Variants in KCNIP4 observed in about 807,000 individuals in gnomAD.
The protein encoded by KCNIP4 is Kv channel-interacting protein 4.
Under a neutral mutation model 34.0 loss-of-function variants are expected in KCNIP4, and 12 were observed. That is an observed-to-expected ratio of 0.35 (90% CI 0.23 to 0.57). KCNIP4 has a LOEUF of 0.57. Ranked by LOEUF, KCNIP4 falls within the 20% of genes least tolerant of loss-of-function variation. KCNIP4 has a pLI of 0.83. For missense variants in KCNIP4, 238 were observed against 311.7 expected (o/e 0.76, Z 1.78); for synonymous variants, 124 against 102.2 (o/e 1.21, Z -1.29).
At chr4:20,997,186 G>C (rs547160067) in intron 1 of KCNIP4, among the ~76,000 whole-genome samples, 44 of 152,238 alleles carry the variant, frequency 2.9e-4, no homozygotes, top group Middle Eastern at 6.8e-3. Context: ...CGTTTCATCT[G>C]GTAATAGCGC....
At chr4:21,037,123 T>C (rs1340304224) in intron 1 of KCNIP4, among the ~76,000 whole-genome samples, 1 of 152,234 alleles carries the variant, frequency 6.6e-6, no homozygotes, top group Non-Finnish European at 1.5e-5. Flanking sequence ...GTGGTTATTA[T>C]GAAAGAGTCA....
intron 1 of KCNIP4, among the ~76,000 whole-genome samples, chr4:21,660,141 T>C (rs1347619434): frequency 6.6e-6 from 1 of 152,144 alleles, no homozygotes; most frequent in East Asian, 1.9e-4. Flanking sequence ...CACCAGGAAA[T>C]ATCTTCCCTA....
At chr4:21,055,099 G>A (rs61458170) in intron 1 of KCNIP4, among the ~76,000 whole-genome samples, 3,356 of 152,114 alleles carry the variant, frequency 0.022, 134 homozygotes, top group African/African-American at 0.076. Context: ...TAAAAAACAT[G>A]TTAAAGACCA....
intron 1 of KCNIP4, among the ~76,000 whole-genome samples, chr4:21,273,324 A>G (rs945632028): frequency 6.6e-6 from 1 of 152,170 alleles, no homozygotes; most frequent in African/African-American, 2.4e-5. Flanking sequence ...TCTAATGGAC[A>G]GTATGTTCGG....
intron 1 of KCNIP4, among the ~76,000 whole-genome samples, chr4:21,058,020 G>A (rs757055532): frequency 1.3e-5 from 2 of 151,986 alleles, no homozygotes; most frequent in Non-Finnish European, 2.9e-5. Context: ...ATTGGACAAA[G>A]AATGAAAAAA....
At chr4:21,130,017 T>C (rs1016544880) in intron 1 of KCNIP4, among the ~76,000 whole-genome samples, 6 of 152,270 alleles carry the variant, frequency 3.9e-5, no homozygotes, top group Admixed American at 2.6e-4. Flanking sequence ...AGTGGCAATG[T>C]GATTTTCATT....
intron 1 of KCNIP4, among the ~76,000 whole-genome samples, chr4:21,743,575 T>C (rs1446982147): frequency 1.3e-5 from 2 of 151,994 alleles, no homozygotes; most frequent in Non-Finnish European, 2.9e-5. Context: ...TTTTTGTAAG[T>C]AGATTATTTT....
At chr4:20,845,824 C>A (rs1352914388) in intron 3 of KCNIP4, among the ~76,000 whole-genome samples, 2 of 152,126 alleles carry the variant, frequency 1.3e-5, no homozygotes. Context: ...TGTGCAACCA[C>A]AAAGAATTGA....
chr4:21,553,811 T>TGA (rs1393634359), intron 1 of KCNIP4, among the ~76,000 whole-genome samples: 3 of 152,070 alleles, frequency 2.0e-5, no homozygotes, highest in Non-Finnish European at 4.4e-5. Context: ...TCTCCACCTT[T>TGA]CCCTTCTTTA....
chr4:21,564,467 A>T (rs867010781), intron 1 of KCNIP4, among the ~76,000 whole-genome samples: 16 of 152,168 alleles, frequency 1.1e-4, no homozygotes, highest in African/African-American at 3.6e-4. Context: ...ACCCAGGATC[A>T]TAAGTGGGGG....
intron 1 of KCNIP4, among the ~76,000 whole-genome samples, chr4:21,239,135 T>C (rs1399992851): frequency 6.6e-6 from 1 of 151,954 alleles, no homozygotes; most frequent in Non-Finnish European, 1.5e-5. Context: ...AAGGATTCCC[T>C]ATTTAACAAA....
chr4:21,648,223 T>A (rs879765360), intron 1 of KCNIP4, among the ~76,000 whole-genome samples: 4 of 152,102 alleles, frequency 2.6e-5, no homozygotes, highest in Admixed American at 2.6e-4. Context: ...CCTTCATCCC[T>A]GCAAAACGAG....
chr4:21,462,510 C>T (rs898385121), intron 1 of KCNIP4, among the ~76,000 whole-genome samples: 16 of 152,060 alleles, frequency 1.1e-4, no homozygotes, highest in Admixed American at 2.6e-4. Context: ...CCACAACACA[C>T]GGGAATTCAA....
chr4:21,857,874 C>T (rs980582940), intron 1 of KCNIP4, among the ~76,000 whole-genome samples: 3 of 152,180 alleles, frequency 2.0e-5, no homozygotes, highest in Admixed American at 6.5e-5. Context: ...GACTTAGCTC[C>T]CAAGCCAGGG....
chr4:21,076,444 T>C (rs1193780958), intron 1 of KCNIP4, among the ~76,000 whole-genome samples: 2 of 152,166 alleles, frequency 1.3e-5, no homozygotes, highest in Admixed American at 6.6e-5. Flanking sequence ...AATTATGTCA[T>C]GGATATATTC....
intron 1 of KCNIP4, among the ~76,000 whole-genome samples, chr4:21,455,824 TATATA>T (rs1728898526): frequency 1.5e-5 from 1 of 64,630 alleles, no homozygotes; most frequent in African/African-American, 5.8e-5. Context: ...TATATATATA[TATATA>T]TATATATATA....
intron 1 of KCNIP4, among the ~76,000 whole-genome samples, chr4:21,361,066 A>G (rs1560327774): frequency 6.6e-6 from 1 of 152,032 alleles, no homozygotes; most frequent in Non-Finnish European, 1.5e-5. Flanking sequence ...TTTAATTTAA[A>G]TGCTTTAAGC....
At chr4:20,977,048 G>T (rs1430511212) in intron 1 of KCNIP4, among the ~76,000 whole-genome samples, 2 of 152,038 alleles carry the variant, frequency 1.3e-5, no homozygotes, top group African/African-American at 2.4e-5. Context: ...GGTCAGGCTG[G>T]TCTCAAACTC....
chr4:21,437,880 AGTGTGTGT>A (rs71655635), intron 1 of KCNIP4, among the ~76,000 whole-genome samples: 16,380 of 143,214 alleles, frequency 0.11, 969 homozygotes, highest in Middle Eastern at 0.17. Flanking sequence ...TTATTTTACA[AGTGTGTGT>A]GTGTGTGTGT....
Sources: gnomAD v4.1 joint callset for allele counts (sites outside exome capture counted in the v4.1 genomes callset) on GRCh38, gnomAD v4.1.1 for gene constraint, MANE v1.5 for transcripts, NCBI Gene and HGNC (gene_info 2026-07-23, HGNC 2026-07-21) for gene names.